BRINP2: variants seen among roughly 807,000 people sequenced by gnomAD.
BRINP2 encodes BMP/retinoic acid-inducible neural-specific protein 2.
A neutral mutation model predicts 69.2 loss-of-function variants in BRINP2; 21 were observed. The ratio of observed to expected loss-of-function variants is 0.30; its 90% CI spans 0.22 to 0.44. The LOEUF (loss-of-function observed/expected upper bound fraction) is 0.44. Ranked by LOEUF, BRINP2 falls within the 20% of genes least tolerant of loss-of-function variation. BRINP2 has a pLI of 1.00. For synonymous variants in BRINP2, 380 were observed against 394.1 expected (o/e 0.96, Z 0.42); for missense variants, 877 against 986.0 (o/e 0.89, Z 1.48).
chr1:177,217,819 A>T (rs1255447039), intron 1 of BRINP2, among the ~76,000 whole-genome samples: 2 of 152,176 alleles, frequency 1.3e-5, no homozygotes, highest in African/African-American at 4.8e-5. Context: ...GTTTGGCAAG[A>T]TCACTGGCTG....
At chr1:177,227,610 G>T (rs538851085) in intron 1 of BRINP2, among the ~76,000 whole-genome samples, 1 of 145,316 alleles carries the variant, frequency 6.9e-6, no homozygotes, top group South Asian at 2.2e-4. Context: ...TTTCAAAAGA[G>T]TTTTTTTTTT....
intron 1 of BRINP2, among the ~76,000 whole-genome samples, chr1:177,177,813 T>C (rs1374121617): frequency 6.6e-6 from 1 of 152,184 alleles, no homozygotes; most frequent in Non-Finnish European, 1.5e-5. Context: ...GTGCCAAACA[T>C]AGTTTCAGGC....
chr1:177,278,417 T>A (rs1391320101), intron 6 of BRINP2, 146 bp from the exon 7 acceptor site: 6 of 733,212 alleles, frequency 8.2e-6, no homozygotes, highest in African/African-American at 3.8e-5. Flanking sequence ...TTGATTTTTT[T>A]AAAAAAGCAC....
chr1:177,230,280 C>A, intron 2 of BRINP2, 135 bp downstream of exon 2: 2 of 956,876 alleles, frequency 2.1e-6, no homozygotes, highest in Non-Finnish European at 3.0e-6. Flanking sequence ...GCTGGAGGAA[C>A]ACCAGGCAGG....
At position 177,256,207 on chromosome 1, in the gene BRINP2, G is replaced by A. The variant is rs527324902; in HGVS notation, c.460+98G>A. 200 of 1,458,692 alleles carry A rather than the reference G, an allele frequency of 1.4e-4. 1 individual carries two copies. Among genetic ancestry groups the A allele is most frequent in the Non-Finnish European group, 1.8e-4 (193 of 1,088,642 alleles). 90.4% of individuals were successfully genotyped at this position (1,458,692 alleles called of 1,614,324 possible). On this transcript the variant is annotated intron_variant, in intron 3 of 7. Transcript: ENST00000361539. ...AGCTCCAACAGTCTTATCTTCTTCC[G>A]GGCCTTTTATTGCCTGAGAAGTCTT...
At chr1:177,181,874 T>TG (rs1648262829) in intron 1 of BRINP2, among the ~76,000 whole-genome samples, 1 of 152,192 alleles carries the variant, frequency 6.6e-6, no homozygotes, top group African/African-American at 2.4e-5. Context: ...CGAAAAGCTG[T>TG]GTTACAAGCC....
intron 1 of BRINP2, among the ~76,000 whole-genome samples, chr1:177,182,776 T>G (rs886168164): frequency 4.6e-5 from 7 of 152,220 alleles, no homozygotes; most frequent in African/African-American, 1.7e-4. Flanking sequence ...CTTGCCAAGT[T>G]ACTTTACTAC....
At chr1:177,244,754 T>G (rs1650322151) in intron 2 of BRINP2, among the ~76,000 whole-genome samples, 4 of 152,218 alleles carry the variant, frequency 2.6e-5, no homozygotes. Flanking sequence ...CTAGTGGTGT[T>G]TATTCTGGGG....
intron 1 of BRINP2, among the ~76,000 whole-genome samples, chr1:177,219,794 A>G (rs1031666113): frequency 2.0e-5 from 3 of 152,222 alleles, no homozygotes; most frequent in East Asian, 1.9e-4. Flanking sequence ...TTTTCAGCCT[A>G]CATAGTTATG....
At chr1:177,179,823 G>A (rs57143436) in intron 1 of BRINP2, among the ~76,000 whole-genome samples, 23,078 of 151,924 alleles carry the variant, frequency 0.15, 3,512 homozygotes, top group African/African-American at 0.39. Context: ...ATCAAGGAGG[G>A]GTATGCAGAG....
At chr1:177,260,208 A>G (rs1189420930) in intron 4 of BRINP2, among the ~76,000 whole-genome samples, 2 of 152,198 alleles carry the variant, frequency 1.3e-5, no homozygotes, top group African/African-American at 4.8e-5. Context: ...AAGTAATTGT[A>G]TATGTAGTGG....
intron 4 of BRINP2, among the ~76,000 whole-genome samples, chr1:177,272,129 C>G (rs760315121): frequency 6.6e-6 from 1 of 152,192 alleles, no homozygotes; most frequent in African/African-American, 2.4e-5. Context: ...TACATTTCCT[C>G]TCTTCCCACC....
At chr1:177,181,777 T>G (rs1173932392) in intron 1 of BRINP2, among the ~76,000 whole-genome samples, 1 of 152,126 alleles carries the variant, frequency 6.6e-6, no homozygotes, top group African/African-American at 2.4e-5. Flanking sequence ...TTCTGAAATC[T>G]CCGACCTTTC....
At chr1:177,210,843 GA>G (rs886092228) in intron 1 of BRINP2, among the ~76,000 whole-genome samples, 46 of 145,442 alleles carry the variant, frequency 3.2e-4, no homozygotes, top group Admixed American at 1.7e-3. Context: ...GACTCAGTGT[GA>G]AAAAAAAAAC....
intron 4 of BRINP2, among the ~76,000 whole-genome samples, chr1:177,272,923 A>G (rs2102360142): frequency 6.6e-6 from 1 of 152,350 alleles, no homozygotes; most frequent in Admixed American, 6.5e-5. Flanking sequence ...ATAAGAGTTT[A>G]TGTATATTTA....
At chr1:177,210,160 G>A (rs1649182720) in intron 1 of BRINP2, among the ~76,000 whole-genome samples, 1 of 152,070 alleles carries the variant, frequency 6.6e-6, no homozygotes, top group African/African-American at 2.4e-5. Flanking sequence ...CTCTGCTTCT[G>A]GTCTCTAAAA....
At chr1:177,231,103 T>C (rs763627052) in intron 2 of BRINP2, among the ~76,000 whole-genome samples, 1 of 152,238 alleles carries the variant, frequency 6.6e-6, no homozygotes, top group African/African-American at 2.4e-5. Flanking sequence ...TGGCTATGCA[T>C]TTCTAGTCAT....
intron 2 of BRINP2, among the ~76,000 whole-genome samples, chr1:177,246,505 A>G (rs539941285): frequency 1.4e-4 from 21 of 152,370 alleles, no homozygotes; most frequent in African/African-American, 4.8e-4. Flanking sequence ...TTGTGTGCAA[A>G]AAACAGTTTG....
intron 1 of BRINP2, among the ~76,000 whole-genome samples, chr1:177,174,355 C>T (rs748404673): frequency 4.6e-5 from 7 of 152,202 alleles, no homozygotes; most frequent in Non-Finnish European, 1.0e-4. Flanking sequence ...GTTTCTCCTC[C>T]GGGACTAACT....
Sources: allele counts gnomAD v4.1 joint callset (sites outside exome capture counted in the v4.1 genomes callset), GRCh38; gene constraint gnomAD v4.1.1; transcripts MANE v1.5; gene names NCBI Gene and HGNC (gene_info 2026-07-23, HGNC 2026-07-21).